ROBO2: variants seen among roughly 807,000 people sequenced by gnomAD.
ROBO2 encodes roundabout homolog 2.
Under a neutral mutation model 160.8 loss-of-function variants are expected in ROBO2, and 53 were observed. The ratio of observed to expected loss-of-function variants is 0.33; its 90% CI spans 0.26 to 0.41. ROBO2 has a LOEUF of 0.41. ROBO2 is among the 10% of genes least tolerant of loss of function. The pLI, the probability that ROBO2 is intolerant of heterozygous loss-of-function variation, is 1.00. For synonymous variants in ROBO2, 664 were observed against 611.7 expected (o/e 1.09, Z -1.26); for missense variants, 1,577 against 1,722.4 (o/e 0.92, Z 1.49).
At chr3:77,203,196 T>C (rs1410274345) in intron 2 of ROBO2, among the ~76,000 whole-genome samples, 2 of 152,236 alleles carry the variant, frequency 1.3e-5, no homozygotes, top group East Asian at 3.9e-4. Flanking sequence ...ATAAATGTGC[T>C]ACCCTAATTG....
At chr3:75,958,950 A>G (rs1231903706) in intron 2 of ROBO2, among the ~76,000 whole-genome samples, 1 of 151,716 alleles carries the variant, frequency 6.6e-6, no homozygotes, top group Admixed American at 6.6e-5. Context: ...ATTTAGCTTC[A>G]ATTTCCTGTA....
intron 2 of ROBO2, among the ~76,000 whole-genome samples, chr3:76,388,395 C>G (rs2076994134): frequency 6.6e-6 from 1 of 152,006 alleles, no homozygotes; most frequent in Admixed American, 6.6e-5. Context: ...CCTCAGCCTC[C>G]CGAGTAGCTG....
chr3:77,578,610 ATGT>A (rs1156364243), intron 15 of ROBO2, among the ~76,000 whole-genome samples: 1 of 152,128 alleles, frequency 6.6e-6, no homozygotes, highest in Admixed American at 6.6e-5. Flanking sequence ...AATGGACTAA[ATGT>A]ATAAGGCTTT....
In ROBO2 at chr3:77,493,170, C is replaced by T. The variant is rs995432258; in HGVS notation, c.668-74C>T. 48 of 1,538,090 alleles carry T rather than the reference C, an allele frequency of 3.1e-5. No homozygotes were observed. The South Asian group carries it at 4.8e-4, about 15-fold the overall frequency. On this transcript the variant is annotated intron_variant, in intron 4 of 25. Coordinates refer to ENST00000461745, the Ensembl canonical transcript of ROBO2. ...CCAAAAGTAAATTAGGTTTCCTTTGCTTTTTTCATAATGTACTTAAAGCAT... is the reference window on the plus strand; with the variant it reads ...CCAAAAGTAAATTAGGTTTCCTTTGTTTTTTTCATAATGTACTTAAAGCAT...
intron 2 of ROBO2, among the ~76,000 whole-genome samples, chr3:77,361,652 G>A (rs2070012900): frequency 6.6e-6 from 1 of 152,042 alleles, no homozygotes; most frequent in South Asian, 2.1e-4. Flanking sequence ...AAGCTGCCCT[G>A]GGCCTCTTTT....
chr3:76,678,906 T>A (rs1435395414), intron 2 of ROBO2, among the ~76,000 whole-genome samples: 1 of 152,176 alleles, frequency 6.6e-6, no homozygotes, highest in African/African-American at 2.4e-5. Context: ...AATATAGAAA[T>A]ATAGGATGTC....
chr3:77,276,533 G>T (rs1327257439), intron 2 of ROBO2, among the ~76,000 whole-genome samples: 6 of 152,142 alleles, frequency 3.9e-5, no homozygotes, highest in Non-Finnish European at 8.8e-5. Flanking sequence ...ACATTGTCAT[G>T]TGCTGTTCTG....
chr3:77,182,974 A>C (rs918058945), intron 2 of ROBO2, among the ~76,000 whole-genome samples: 1 of 152,090 alleles, frequency 6.6e-6, no homozygotes, highest in African/African-American at 2.4e-5. Flanking sequence ...AGGAATAAAC[A>C]AAATGAAACA....
At chr3:76,527,374 T>C (rs1048319478) in intron 2 of ROBO2, among the ~76,000 whole-genome samples, 4 of 152,132 alleles carry the variant, frequency 2.6e-5, no homozygotes, top group Admixed American at 6.6e-5. Context: ...GATGAGGCCA[T>C]TGACATTTTT....
At chr3:76,702,282 A>G (rs1359664816) in intron 2 of ROBO2, among the ~76,000 whole-genome samples, 1 of 152,078 alleles carries the variant, frequency 6.6e-6, no homozygotes, top group Admixed American at 6.6e-5. Context: ...GGTTGTGATG[A>G]ACTGTACCTA....
chr3:76,739,935 G>C (rs72890290), intron 2 of ROBO2, among the ~76,000 whole-genome samples: 2,755 of 152,248 alleles, frequency 0.018, 70 homozygotes, highest in African/African-American at 0.058. Flanking sequence ...TTCTAAAAAA[G>C]TTATTAGTTG....
chr3:76,392,962 G>C (rs1407323080), intron 2 of ROBO2, among the ~76,000 whole-genome samples: 1 of 152,106 alleles, frequency 6.6e-6, no homozygotes, highest in African/African-American at 2.4e-5. Context: ...GAGAAACAAG[G>C]ATTGGCTTCC....
At chr3:76,165,440 T>C (rs2072799120) in intron 2 of ROBO2, among the ~76,000 whole-genome samples, 2 of 151,876 alleles carry the variant, frequency 1.3e-5, no homozygotes, top group South Asian at 2.1e-4. Context: ...TAAGGAAATG[T>C]TGTGGCTTGT....
chr3:76,217,171 G>C (rs1361499057), intron 2 of ROBO2, among the ~76,000 whole-genome samples: 1 of 152,206 alleles, frequency 6.6e-6, no homozygotes, highest in African/African-American at 2.4e-5. Flanking sequence ...GCAGTGTGTA[G>C]ATGGAAATTT....
intron 2 of ROBO2, among the ~76,000 whole-genome samples, chr3:76,188,974 T>C (rs924982463): frequency 1.2e-4 from 19 of 152,132 alleles, no homozygotes; most frequent in Non-Finnish European, 1.8e-4. Context: ...AAAAAGGTTA[T>C]TGTATCTTGT....
chr3:76,447,816 C>G (rs1196974940), intron 2 of ROBO2, among the ~76,000 whole-genome samples: 3 of 146,510 alleles, frequency 2.0e-5, no homozygotes, highest in South Asian at 2.1e-4. Context: ...ACTGCATTTT[C>G]TCACTCATAG....
At chr3:76,702,599 A>G (rs948821665) in intron 2 of ROBO2, among the ~76,000 whole-genome samples, 4 of 152,014 alleles carry the variant, frequency 2.6e-5, no homozygotes, top group African/African-American at 4.8e-5. Context: ...TGATTTAAAA[A>G]TCCTGAATCC....
intron 2 of ROBO2, among the ~76,000 whole-genome samples, chr3:77,110,053 T>C (rs2073365576): frequency 6.6e-6 from 1 of 152,242 alleles, no homozygotes; most frequent in Admixed American, 6.5e-5. Context: ...TTTAGTTACA[T>C]ATTGACATTT....
chr3:76,655,797 A>G (rs998840229), intron 2 of ROBO2, among the ~76,000 whole-genome samples: 2 of 150,798 alleles, frequency 1.3e-5, no homozygotes, highest in Non-Finnish European at 2.9e-5. Flanking sequence ...AGGGGGTCAA[A>G]TCATTCCCAG....
Sources: gnomAD v4.1 joint callset for allele counts (sites outside exome capture counted in the v4.1 genomes callset) on GRCh38, gnomAD v4.1.1 for gene constraint, MANE v1.5 for transcripts, NCBI Gene and HGNC (gene_info 2026-07-23, HGNC 2026-07-21) for gene names.